The following SYN3 variants were observed in gnomAD, a reference collection of about 807,000 sequenced individuals.
SYN3 encodes synapsin-3.
In SYN3, 35 loss-of-function variants were observed where a neutral mutation model predicts 65.8. The observed-to-expected ratio is 0.53, with a 90% CI of 0.41 to 0.70. The LOEUF is 0.70. Ranked by LOEUF, SYN3 falls within the 30% of genes least tolerant of loss-of-function variation. The probability of loss-of-function intolerance (pLI) is 0.00; values close to 1 mark genes in which losing one functional copy is unlikely to be tolerated. For missense variants in SYN3, 680 were observed against 749.0 expected, an observed-to-expected ratio of 0.91 and a Z score of 1.08; for synonymous variants, 270 against 292.9, an observed-to-expected ratio of 0.92 and a Z score of 0.80.
At chr22:32,725,181 G>T (rs1354579475) in intron 6 of SYN3, among the ~76,000 whole-genome samples, 2 of 152,122 alleles carry the variant, frequency 1.3e-5, no homozygotes, top group Non-Finnish European at 2.9e-5. Flanking sequence ...CTTCTGTGCA[G>T]AGATGAGAAC....
chr22:32,919,449 T>C (rs905462805), intron 4 of SYN3, among the ~76,000 whole-genome samples: 1 of 152,148 alleles, frequency 6.6e-6, no homozygotes, highest in African/African-American at 2.4e-5. Flanking sequence ...TGGCACATAA[T>C]GAATGAAAGG....
intron 6 of SYN3, chr22:32,859,537 T>C (rs751760285): frequency 2.5e-5 from 23 of 922,512 alleles, no homozygotes; most frequent in Non-Finnish European, 3.3e-5. Flanking sequence ...ATGGGGTTTA[T>C]TGGGAACTAT....
chr22:32,946,860 G>A (rs1017141750), intron 3 of SYN3, among the ~76,000 whole-genome samples: 1 of 152,144 alleles, frequency 6.6e-6, no homozygotes, highest in African/African-American at 2.4e-5. Context: ...GGACAAATAG[G>A]TTTTAATTCT....
intron 6 of SYN3, among the ~76,000 whole-genome samples, chr22:32,605,851 G>T (rs188579688): frequency 6.6e-6 from 1 of 152,338 alleles, no homozygotes; most frequent in East Asian, 1.9e-4. Context: ...GTAGAAGGAT[G>T]CCAGTTCACT....
intron 6 of SYN3, among the ~76,000 whole-genome samples, chr22:32,706,504 C>T (rs1442955434): frequency 1.3e-5 from 2 of 152,174 alleles, no homozygotes; most frequent in African/African-American, 4.8e-5. Context: ...GACTTTTACA[C>T]ATCTATAAAA....
At chr22:32,682,063 G>T (rs1327120722) in intron 6 of SYN3, among the ~76,000 whole-genome samples, 3 of 152,146 alleles carry the variant, frequency 2.0e-5, no homozygotes, top group African/African-American at 7.2e-5. Flanking sequence ...GGGCACGGGA[G>T]ATGAGGGGCA....
intron 6 of SYN3, among the ~76,000 whole-genome samples, chr22:32,712,696 C>T (rs1024391154): frequency 2.0e-5 from 3 of 152,178 alleles, no homozygotes; most frequent in Non-Finnish European, 4.4e-5. Flanking sequence ...CTCTGTTCAT[C>T]TGCTCAGTGC....
chr22:32,980,114 T>C (rs1251780167), intron 3 of SYN3, among the ~76,000 whole-genome samples: 1 of 152,212 alleles, frequency 6.6e-6, no homozygotes, highest in African/African-American at 2.4e-5. Context: ...TTAATAGCAA[T>C]AGCAAGAGAT....
chr22:32,644,509 C>A (rs1023005126), intron 6 of SYN3, among the ~76,000 whole-genome samples: 8 of 152,162 alleles, frequency 5.3e-5, no homozygotes, highest in African/African-American at 1.9e-4. Context: ...TGGCTCCACG[C>A]AACCCTCCCA....
chr22:32,673,743 G>C (rs2060403452), intron 6 of SYN3, among the ~76,000 whole-genome samples: 1 of 152,214 alleles, frequency 6.6e-6, no homozygotes, highest in African/African-American at 2.4e-5. Flanking sequence ...AAAGGCTTAG[G>C]GATGAGAGAA....
chr22:32,781,442 A>G (rs2145833679), intron 6 of SYN3, among the ~76,000 whole-genome samples: 1 of 152,270 alleles, frequency 6.6e-6, no homozygotes, highest in African/African-American at 2.4e-5. Context: ...CCAATAGGCT[A>G]CATGGCCTTG....
At chr22:32,605,150 A>C (rs1490406877) in intron 6 of SYN3, among the ~76,000 whole-genome samples, 1 of 152,070 alleles carries the variant, frequency 6.6e-6, no homozygotes, top group African/African-American at 2.4e-5. Context: ...GGCCCGGCAG[A>C]CAGTAAGCGC....
chr22:32,727,581 A>C (rs138904515), intron 6 of SYN3, among the ~76,000 whole-genome samples: 1 of 152,348 alleles, frequency 6.6e-6, no homozygotes, highest in East Asian at 1.9e-4. Context: ...ACAATGGTTG[A>C]ACTAATTTAT....
intron 7 of SYN3, among the ~76,000 whole-genome samples, chr22:32,562,188 A>G (rs1026295301): frequency 2.0e-5 from 3 of 152,232 alleles, no homozygotes; most frequent in African/African-American, 7.2e-5. Context: ...TCGTCATGAG[A>G]CTTTGCACAG....
At chr22:32,831,848 C>A (rs2047582771) in intron 6 of SYN3, among the ~76,000 whole-genome samples, 1 of 151,280 alleles carries the variant, frequency 6.6e-6, no homozygotes, top group South Asian at 2.1e-4. Flanking sequence ...TGTCACTGCA[C>A]CCCCCCCAAC....
In SYN3 at chr22:32,837,392, T is replaced by G. The variant is rs1601501844; in HGVS notation, c.711+27523A>C. On this transcript the variant is annotated intron_variant, in intron 6 of 13. Transcript: ENST00000358763. This position sits in a 1 kb window ranked among gnomAD's most constrained non-coding sequence, Gnocchi z 4.1. Reference sequence around the variant, plus strand: ...TAAGCAAGTCGGCGCCTCTGACCCCTGAGTGGGCTTGAGCTTTTGAGAGGT... The same window carrying G: ...TAAGCAAGTCGGCGCCTCTGACCCCGGAGTGGGCTTGAGCTTTTGAGAGGT... 9.2e-6 allele frequency among the ~76,000 whole-genome samples: 1 copy of G among 108,420 alleles called. No homozygotes were observed. The highest frequency in any genetic ancestry group is 4.7e-5 in the African/African-American group (1 of 21,382). 71.1% of individuals were successfully genotyped at this position (108,420 alleles called of 152,430 possible).
chr22:32,958,135 G>C (rs2051525225), intron 3 of SYN3, among the ~76,000 whole-genome samples: 1 of 152,144 alleles, frequency 6.6e-6, no homozygotes, highest in African/African-American at 2.4e-5. Flanking sequence ...TCCACAAATA[G>C]CTGTAATGGA....
rs542195004 is a variant in SYN3 at position 32,730,119 on chromosome 22, A to G, written c.712-133383T>C. The stretch of plus-strand genomic sequence containing the variant: ...CTTGAGATCAGAGCACATCAGCACT[A>G]TAGAAGTCACCTAGTCTACCGCCCT... On this transcript the variant is annotated intron_variant, in intron 6 of 13. Coordinates refer to ENST00000358763, the MANE Select transcript of SYN3 (RefSeq NM_003490.4). Among the ~76,000 whole-genome samples, 12 of 152,358 alleles carry G rather than the reference A, an allele frequency of 7.9e-5. No individual in the cohort carries two copies. In the South Asian group the frequency reaches 2.5e-3, roughly 32 times the overall value.
intron 6 of SYN3, among the ~76,000 whole-genome samples, chr22:32,607,979 A>G (rs975365794): frequency 6.6e-6 from 1 of 152,236 alleles, no homozygotes; most frequent in African/African-American, 2.4e-5. Flanking sequence ...GGCTTGTGCT[A>G]TAATTTACTT....
Sources: gnomAD v4.1 joint callset for allele counts (sites outside exome capture counted in the v4.1 genomes callset) on GRCh38, gnomAD v4.1.1 for gene constraint, Gnocchi (gnomAD v3.1) non-coding constraint, MANE v1.5 for transcripts, NCBI Gene and HGNC (gene_info 2026-07-23, HGNC 2026-07-21) for gene names.